The following NREP variants were observed in gnomAD, a reference collection of about 807,000 sequenced individuals.
The protein encoded by NREP is neuronal regeneration related protein, also known as neuronal regeneration-related protein.
In NREP, 5 loss-of-function variants were observed where a neutral mutation model predicts 8.6. That is an observed-to-expected ratio of 0.58 (90% CI 0.30 to 1.22). NREP has a LOEUF of 1.22. NREP is among the 50% of genes most tolerant of loss of function. The pLI is 0.07. For synonymous variants in NREP, 27 were observed against 28.0 expected (o/e 0.96, Z 0.11); for missense variants, 86 against 82.5 (o/e 1.04, Z -0.17).
chr5:111,743,101 T>G (rs1434197792), intron 2 of NREP, among the ~76,000 whole-genome samples: 2 of 152,158 alleles, frequency 1.3e-5, no homozygotes, highest in Non-Finnish European at 2.9e-5. Context: ...AGCACAAGAA[T>G]AAAGCTTGGA....
chr5:111,799,020 G>A (rs1166272394), intron 2 of NREP, among the ~76,000 whole-genome samples: 4 of 152,100 alleles, frequency 2.6e-5, no homozygotes, highest in African/African-American at 9.7e-5. Context: ...CATAGTTGTT[G>A]TACTAGTTTG....
rs747507026 is a variant in NREP, at chr5:111,735,456, T to C, written c.55A>G (p.Lys19Glu). 2 of 1,612,754 alleles carry C rather than the reference T, an allele frequency of 1.2e-6. No homozygotes were observed. Among genetic ancestry groups the C allele is most frequent in the Non-Finnish European group, 1.7e-6 (2 of 1,179,110 alleles). The change falls in exon 3 of 4, where the codon AAG (lysine) becomes GAG (glutamate). Residue 19 changes from lysine (K) to glutamate (E), a missense_variant. Physicochemically the swap from Lys to Glu is moderately conservative, Grantham distance 56 (BLOSUM62 1). Transcript: ENST00000257435. The part of the protein sequence containing the change: ...VWVSQEPFPN[K>E]DMEGRLPKGR... ...TTAGGAAGCCTTCCCTCCATGTCCT[T>C]GTTTGGAAATGGTTCTTGACTGACC...
chr5:111,949,660 A>C (rs958744808), intron 2 of NREP, among the ~76,000 whole-genome samples: 6 of 151,958 alleles, frequency 3.9e-5, no homozygotes, highest in African/African-American at 1.5e-4. Context: ...GCTCCTACTT[A>C]TGAGTGAGAA....
At chr5:111,804,988 GA>G in intron 2 of NREP, among the ~76,000 whole-genome samples, 1 of 135,614 alleles carries the variant, frequency 7.4e-6, no homozygotes, top group Non-Finnish European at 1.6e-5. Context: ...GCGACAGAGC[GA>G]GACTCCGTCT....
chr5:111,750,586 C>G (rs1750299479), intron 2 of NREP, among the ~76,000 whole-genome samples: 1 of 152,164 alleles, frequency 6.6e-6, no homozygotes, highest in Non-Finnish European at 1.5e-5. Flanking sequence ...ATAAGTTTTC[C>G]ACTATCCCCA....
intron 2 of NREP, among the ~76,000 whole-genome samples, chr5:111,883,235 C>G (rs970617227): frequency 3.9e-5 from 6 of 152,136 alleles, no homozygotes; most frequent in African/African-American, 9.7e-5. Context: ...AAAGCCATTA[C>G]ATAATGGTAA....
intron 2 of NREP, among the ~76,000 whole-genome samples, chr5:111,797,062 A>AAGGT (rs1751888581): frequency 6.8e-6 from 1 of 147,334 alleles, no homozygotes; most frequent in South Asian, 2.2e-4. Flanking sequence ...AGTGTCTACT[A>AAGGT]AGATAGATAG....
At chr5:111,975,253 C>A (rs1186942835) in intron 2 of NREP, 1 of 1,517,558 alleles carries the variant, frequency 6.6e-7, no homozygotes, top group Non-Finnish European at 9.0e-7. Flanking sequence ...ACGAGCAAAT[C>A]AGGATAGCAG....
chr5:111,833,445 C>A (rs535158068), intron 2 of NREP, among the ~76,000 whole-genome samples: 10 of 151,546 alleles, frequency 6.6e-5, no homozygotes, highest in East Asian at 4.3e-4. Context: ...AGACTTTTCT[C>A]CTTGCAGACC....
chr5:111,805,884 T>C (rs1199854618), intron 2 of NREP, among the ~76,000 whole-genome samples: 1 of 143,098 alleles, frequency 7.0e-6, no homozygotes, highest in Non-Finnish European at 1.5e-5. Flanking sequence ...TTAATAATAA[T>C]GTATGGCATG....
chr5:111,790,086 G>A (rs994211419), intron 2 of NREP, among the ~76,000 whole-genome samples: 1 of 151,984 alleles, frequency 6.6e-6, no homozygotes, highest in Non-Finnish European at 1.5e-5. Context: ...TAAAGACTAT[G>A]TTGATAGAAA....
intron 2 of NREP, among the ~76,000 whole-genome samples, chr5:111,867,735 T>C (rs572045274): frequency 2.0e-5 from 3 of 152,244 alleles, no homozygotes; most frequent in African/African-American, 7.2e-5. Flanking sequence ...GAATAAAATA[T>C]GGTACCCTTA....
At chr5:111,744,346 G>A (rs1163928821) in intron 2 of NREP, among the ~76,000 whole-genome samples, 1 of 152,064 alleles carries the variant, frequency 6.6e-6, no homozygotes, top group Non-Finnish European at 1.5e-5. Flanking sequence ...AGGGAAAGTG[G>A]TTTCTATTGC....
chr5:111,889,512 C>T (rs1175875837), intron 2 of NREP, among the ~76,000 whole-genome samples: 1 of 152,200 alleles, frequency 6.6e-6, no homozygotes, highest in Non-Finnish European at 1.5e-5. Flanking sequence ...CCTAAAACTT[C>T]ATGTCCTTCT....
chr5:111,741,012 T>C (rs1400950551), intron 2 of NREP, among the ~76,000 whole-genome samples: 2 of 152,216 alleles, frequency 1.3e-5, no homozygotes, highest in Non-Finnish European at 2.9e-5. Context: ...TTAGTTAACA[T>C]ACATTTTCAG....
At chr5:111,756,295 T>TA in intron 1 of NREP, 9 of 353,916 alleles carry the variant, frequency 2.5e-5, no homozygotes, top group Non-Finnish European at 2.9e-5. Flanking sequence ...CCTTCCGTGT[T>TA]TAAAAAAAAA....
intron 2 of NREP, among the ~76,000 whole-genome samples, chr5:111,967,741 C>T (rs367747663): frequency 1.3e-5 from 2 of 152,084 alleles, no homozygotes; most frequent in Non-Finnish European, 1.5e-5. Context: ...TGTGAAGTGA[C>T]AGCCTTGTGT....
chr5:111,952,795 G>A (rs567505739), intron 2 of NREP, among the ~76,000 whole-genome samples: 2 of 152,190 alleles, frequency 1.3e-5, no homozygotes, highest in South Asian at 4.1e-4. Context: ...TATGCAAGAT[G>A]TTACCATTGG....
At chr5:111,810,938 C>A (rs1752255595) in intron 2 of NREP, among the ~76,000 whole-genome samples, 1 of 152,120 alleles carries the variant, frequency 6.6e-6, no homozygotes, top group South Asian at 2.1e-4. Flanking sequence ...CTTGGCTTAT[C>A]TGGTCAATAC....
Sources: gnomAD v4.1 joint callset for allele counts (sites outside exome capture counted in the v4.1 genomes callset) on GRCh38, gnomAD v4.1.1 for gene constraint, MANE v1.5 for transcripts, NCBI Gene and HGNC (gene_info 2026-07-23, HGNC 2026-07-21) for gene names.